The following ARHGAP28 variants were observed in gnomAD, a reference collection of about 807,000 sequenced individuals.
The protein encoded by ARHGAP28 is Rho GTPase activating protein 28, also known as rho GTPase-activating protein 28.
A neutral mutation model predicts 90.7 loss-of-function variants in ARHGAP28; 56 were observed. The ratio of observed to expected loss-of-function variants is 0.62; its 90% CI spans 0.50 to 0.77. The LOEUF (loss-of-function observed/expected upper bound fraction) is 0.77, where lower values mean the gene tolerates loss of function less well. Among genes scored for constraint, ARHGAP28 ranks in the 30% least tolerant of loss-of-function variants. The pLI is 0.00. For synonymous variants in ARHGAP28, 308 were observed against 323.3 expected, an observed-to-expected ratio of 0.95 and a Z score of 0.51; for missense variants, 869 against 900.9, an observed-to-expected ratio of 0.96 and a Z score of 0.45.
chr18:6,864,395 G>A, intron 5 of ARHGAP28, among the ~76,000 whole-genome samples: 1 of 152,226 alleles, frequency 6.6e-6, no homozygotes, highest in East Asian at 1.9e-4. Context: ...TAATTTAAGG[G>A]TTAGATTATT....
At chr18:6,787,254 G>T (rs1213872392) in intron 1 of ARHGAP28, among the ~76,000 whole-genome samples, 1 of 144,014 alleles carries the variant, frequency 6.9e-6, no homozygotes, top group Non-Finnish European at 1.5e-5. Flanking sequence ...GATTGAAGTT[G>T]CCCTTGTAAA....
rs2057250116 is a variant in ARHGAP28 at position 6,889,825 on chromosome 18, G to A, written c.1537-63G>A. 5 of 1,459,444 alleles carry A rather than the reference G, an allele frequency of 3.4e-6. No individual in the cohort carries two copies. The South Asian group carries it at 5.7e-5, about 17-fold the overall frequency. The allele number at this position is 1,459,444 out of a possible 1,614,324, so 90.4% of individuals were successfully genotyped here. ...CAGAGTGAATGGGAATAGAATGAAT[G>A]ATAGCAATCAGGGGCACTTTTGACA... On this transcript the variant is annotated intron_variant, in intron 12 of 17. Coordinates refer to ENST00000383472, the MANE Select transcript of ARHGAP28 (RefSeq NM_001366230.1).
intron 3 of ARHGAP28, among the ~76,000 whole-genome samples, chr18:6,847,630 GGTGTGTGT>G (rs60063372): frequency 6.7e-6 from 1 of 150,298 alleles, no homozygotes; most frequent in Non-Finnish European, 1.5e-5. Flanking sequence ...AGAGAGTGGG[GGTGTGTGT>G]GTGTGTGTGT....
chr18:6,914,975 G>GA lies in ARHGAP28; in HGVS notation c.*2831dup, dbSNP rs149611940. Reference sequence around the variant, plus strand: ...AAACTACCTCACTTGCCTTTCTTGGGAAAAAAAAAATGAATGGACTTTAAC... The same window carrying GA: ...AAACTACCTCACTTGCCTTTCTTGGGAAAAAAAAAAATGAATGGACTTTAAC... On this transcript the variant is annotated 3_prime_UTR_variant, in exon 18 of 18. Coordinates refer to ENST00000383472, the MANE Select transcript of ARHGAP28 (RefSeq NM_001366230.1). 1.3e-3 allele frequency: 198 copies of GA among 147,740 alleles called. No individual in the cohort carries two copies. The highest frequency in any genetic ancestry group is 1.8e-3 in the African/African-American group (71 of 40,238). 9.2% of individuals were successfully genotyped at this position (147,740 alleles called of 1,614,324 possible).
chr18:6,833,899 T>G (rs769725710), intron 2 of ARHGAP28, among the ~76,000 whole-genome samples: 3 of 152,154 alleles, frequency 2.0e-5, no homozygotes, highest in Non-Finnish European at 4.4e-5. Context: ...TCATTTATTT[T>G]GATGTTCAGA....
chr18:6,851,015 C>T lies in ARHGAP28; in HGVS notation c.544-19C>T, dbSNP rs1200426794. On this transcript the variant is annotated intron_variant, in intron 3 of 17. Coordinates refer to ENST00000383472, the MANE Select transcript of ARHGAP28 (RefSeq NM_001366230.1). ...GAAAGATATGCCTGGATAAACGTGG[C>T]TTTCATTTCTTCCGTTAGCCTCGTG... 1.9e-6 allele frequency: 3 copies of T among 1,613,374 alleles called. No individual in the cohort carries two copies. Among genetic ancestry groups the T allele is most frequent in the Non-Finnish European group, 2.5e-6 (3 of 1,179,596 alleles).
chr18:6,906,817 C>T (rs956584559), intron 16 of ARHGAP28, among the ~76,000 whole-genome samples: 2 of 151,914 alleles, frequency 1.3e-5, no homozygotes, highest in African/African-American at 4.8e-5. Context: ...TCTAAAAGAC[C>T]ATGTGAATAG....
intron 5 of ARHGAP28, among the ~76,000 whole-genome samples, chr18:6,864,650 C>G (rs1316004338): frequency 6.6e-6 from 1 of 151,942 alleles, no homozygotes; most frequent in Non-Finnish European, 1.5e-5. Context: ...TTGCCCGTAT[C>G]AGCAATATAT....
At chr18:6,891,400 G>A (rs2057264129) in intron 14 of ARHGAP28, among the ~76,000 whole-genome samples, 1 of 152,070 alleles carries the variant, frequency 6.6e-6, no homozygotes, top group Non-Finnish European at 1.5e-5. Flanking sequence ...AAGTAGCTGG[G>A]ACTACAGGCA....
chr18:6,782,729 C>T (rs1014718845), intron 1 of ARHGAP28, among the ~76,000 whole-genome samples: 20 of 147,208 alleles, frequency 1.4e-4, no homozygotes, highest in Non-Finnish European at 2.5e-4. Context: ...GGATTACAGG[C>T]GTGAGCCACC....
chr18:6,817,056 C>T (rs1286416268), intron 1 of ARHGAP28, among the ~76,000 whole-genome samples: 3 of 151,472 alleles, frequency 2.0e-5, no homozygotes, highest in Non-Finnish European at 4.4e-5. Flanking sequence ...CACCACTGCA[C>T]TCCAGCCTGG....
At chr18:6,807,131 C>T (rs2056524340) in intron 1 of ARHGAP28, among the ~76,000 whole-genome samples, 1 of 152,032 alleles carries the variant, frequency 6.6e-6, no homozygotes, top group African/African-American at 2.4e-5. Context: ...CTCCTTGAAT[C>T]TGTGGTTTTT....
At chr18:6,752,637 AC>A (rs532071338) in intron 1 of ARHGAP28, among the ~76,000 whole-genome samples, 143 of 152,288 alleles carry the variant, frequency 9.4e-4, no homozygotes, top group African/African-American at 3.3e-3. Flanking sequence ...CATGAGAAAG[AC>A]CATGTCTAAG....
intron 6 of ARHGAP28, among the ~76,000 whole-genome samples, chr18:6,869,805 A>C (rs1366841296): frequency 6.6e-6 from 1 of 152,148 alleles, no homozygotes; most frequent in Non-Finnish European, 1.5e-5. Context: ...ATAATTATTC[A>C]CTTTGCATAT....
chr18:6,863,793 T>G (rs2057016476), intron 5 of ARHGAP28, among the ~76,000 whole-genome samples: 1 of 151,574 alleles, frequency 6.6e-6, no homozygotes, highest in African/African-American at 2.4e-5. Flanking sequence ...TTAATTTTTT[T>G]TTTTTTTTGA....
chr18:6,786,311 A>G (rs2056364327), intron 1 of ARHGAP28, among the ~76,000 whole-genome samples: 1 of 152,114 alleles, frequency 6.6e-6, no homozygotes, highest in African/African-American at 2.4e-5. Context: ...TTGACAAATT[A>G]TCCTGTCATA....
chr18:6,837,065 G>A (rs2143856320), intron 2 of ARHGAP28, 132 bp from the exon 3 acceptor site: 1 of 674,798 alleles, frequency 1.5e-6, no homozygotes, highest in African/African-American at 1.8e-5. Flanking sequence ...ATTCATTCTT[G>A]TAGTTCTTTC....
At chr18:6,900,014 G>A (rs2057330048) in intron 16 of ARHGAP28, among the ~76,000 whole-genome samples, 1 of 152,084 alleles carries the variant, frequency 6.6e-6, no homozygotes, top group South Asian at 2.1e-4. Flanking sequence ...CAGCAACAAG[G>A]AAGTGTTAGC....
intron 1 of ARHGAP28, among the ~76,000 whole-genome samples, chr18:6,792,587 C>T (rs2056414196): frequency 6.6e-6 from 1 of 152,174 alleles, no homozygotes; most frequent in Non-Finnish European, 1.5e-5. Context: ...CACAGCATTC[C>T]AGAACACTTC....
Sources: gnomAD v4.1 joint callset for allele counts (sites outside exome capture counted in the v4.1 genomes callset) on GRCh38, gnomAD v4.1.1 for gene constraint, MANE v1.5 for transcripts, NCBI Gene and HGNC (gene_info 2026-07-23, HGNC 2026-07-21) for gene names.